SLC37A1: variants seen among roughly 807,000 people sequenced by gnomAD.
SLC37A1 encodes the protein solute carrier family 37 member 1.
Under a neutral mutation model 75.3 loss-of-function variants are expected in SLC37A1, and 49 were observed. That is an observed-to-expected ratio of 0.65 (90% CI 0.52 to 0.83). The LOEUF is 0.83. SLC37A1 is among the 40% of genes least tolerant of loss of function. SLC37A1 has a pLI of 0.00. For missense variants in SLC37A1, 566 were observed against 695.0 expected (o/e 0.81, Z 2.09); for synonymous variants, 268 against 292.1 (o/e 0.92, Z 0.84).
intron 3 of SLC37A1, among the ~76,000 whole-genome samples, chr21:42,528,736 G>A (rs2054864653): frequency 1.3e-5 from 2 of 152,216 alleles, no homozygotes; most frequent in Admixed American, 1.3e-4. Context: ...GGCTGAGGCA[G>A]GAGAATAGCT....
chr21:42,566,931 T>C (rs2147008239), intron 15 of SLC37A1, 54 bp from the exon 16 acceptor site: 1 of 1,567,392 alleles, frequency 6.4e-7, no homozygotes, highest in Non-Finnish European at 8.6e-7. Context: ...CTCCTATGCA[T>C]GCGGGGCTCT....
In SLC37A1 at chr21:42,534,837, C is replaced by G. The variant is rs780596385; in HGVS notation, c.271+7C>G. 1 of 1,613,010 alleles carries G rather than the reference C, an allele frequency of 6.2e-7. No homozygotes were observed. The highest frequency in any genetic ancestry group is 1.3e-5 in the African/African-American group (1 of 75,052). On this transcript the variant is annotated splice_region_variant and intron_variant, in intron 4 of 19. Transcript: ENST00000352133. ...TGTGGCTGGGCACCGTTTGGTAAGT[C>G]GATTATCGGTCCGTCCAGGAGCCGA...
At position 42,580,701 on chromosome 21, in the gene SLC37A1, G is replaced by C. The variant is rs2056407660; in HGVS notation, c.*341G>C. 2.5e-6 allele frequency: 1 copy of C among 406,884 alleles called. No individual in the cohort carries two copies. Among genetic ancestry groups the C allele is most frequent in the African/African-American group, 2.1e-5 (1 of 48,710 alleles). 25.2% of individuals were successfully genotyped at this position (406,884 alleles called of 1,614,324 possible). Reference sequence around the variant, plus strand: ...GGAGGGTGGGGGGGGTGCACAGGTAGCCCCGACCCTCTCAGGCATTCCAGC... The same window carrying C: ...GGAGGGTGGGGGGGGTGCACAGGTACCCCCGACCCTCTCAGGCATTCCAGC... On this transcript the variant is annotated 3_prime_UTR_variant, in exon 20 of 20. Transcript: ENST00000352133.
intron 17 of SLC37A1, among the ~76,000 whole-genome samples, chr21:42,572,355 C>T (rs60080136): frequency 1.3e-3 from 201 of 152,166 alleles, no homozygotes; most frequent in African/African-American, 4.5e-3. Flanking sequence ...GAATTGGGCC[C>T]CTGTTCGTTT....
chr21:42,566,674 G>A (rs573181442), intron 15 of SLC37A1, among the ~76,000 whole-genome samples: 2 of 152,218 alleles, frequency 1.3e-5, no homozygotes, highest in Admixed American at 6.5e-5. Context: ...TGCCCTCAGC[G>A]AGCACCACAG....
At chr21:42,540,750 A>C (rs2055258801) in intron 6 of SLC37A1, among the ~76,000 whole-genome samples, 1 of 152,212 alleles carries the variant, frequency 6.6e-6, no homozygotes, top group African/African-American at 2.4e-5. Context: ...GGGGAATGCT[A>C]TAAAACCATC....
intron 14 of SLC37A1, among the ~76,000 whole-genome samples, chr21:42,565,604 T>C (rs1189685041): frequency 6.6e-6 from 1 of 152,204 alleles, no homozygotes; most frequent in Admixed American, 6.5e-5. Context: ...CCCTGCAGAC[T>C]TCCCCAGGTC....
intron 19 of SLC37A1, among the ~76,000 whole-genome samples, chr21:42,580,053 GC>G (rs1226594062): frequency 6.6e-6 from 1 of 152,056 alleles, no homozygotes; most frequent in Non-Finnish European, 1.5e-5. Context: ...TGGAGCTGCA[GC>G]CCCCCGAGCT....
chr21:42,534,848 C>T lies in SLC37A1; in HGVS notation c.271+18C>T, dbSNP rs1018076295. ...ACCGTTTGGTAAGTCGATTATCGGT[C>T]CGTCCAGGAGCCGAAGCGGCTGTCC... On this transcript the variant is annotated intron_variant, in intron 4 of 19. Transcript: ENST00000352133. 15 of 1,612,224 alleles carry T rather than the reference C, an allele frequency of 9.3e-6. No homozygotes were observed. The highest frequency in any genetic ancestry group is 1.7e-5 in the Admixed American group (1 of 59,896).
chr21:42,523,999 G>A (rs1244067189), intron 2 of SLC37A1, among the ~76,000 whole-genome samples: 1 of 151,914 alleles, frequency 6.6e-6, no homozygotes, highest in African/African-American at 2.4e-5. Flanking sequence ...TTAGTTACTT[G>A]TGGAAAGCTT....
Position 42,548,796 on chromosome 21 carries a change from A to T in SLC37A1, c.768+1656A>T, listed in dbSNP as rs1234674345. On this transcript the variant is annotated intron_variant, in intron 9 of 19. Coordinates refer to ENST00000352133, the MANE Select transcript of SLC37A1 (RefSeq NM_001320537.2). The surrounding 1 kb of genome is among the most constrained non-coding windows in gnomAD (Gnocchi z 5.6). The stretch of plus-strand genomic sequence containing the variant: ...TCTGGTTGGTCTCTGTCACCCTCAC[A>T]GAAGGGTGCGAGCCCCTCGGGCCTG... 6.6e-6 allele frequency among the ~76,000 whole-genome samples: 1 copy of T among 152,150 alleles called. No homozygotes were observed. The highest frequency in any genetic ancestry group is 1.5e-5 in the Non-Finnish European group (1 of 68,024).
chr21:42,524,243 G>A (rs1427171935), intron 2 of SLC37A1, among the ~76,000 whole-genome samples: 3 of 152,120 alleles, frequency 2.0e-5, no homozygotes, highest in East Asian at 1.9e-4. Flanking sequence ...GCTGCCCCTC[G>A]CCTTCCACTC....
At chr21:42,528,207 A>AT (rs1199666207) in intron 3 of SLC37A1, among the ~76,000 whole-genome samples, 2 of 152,146 alleles carry the variant, frequency 1.3e-5, no homozygotes, top group Non-Finnish European at 2.9e-5. Flanking sequence ...GATTAATTGT[A>AT]TTTTTCTCGA....
chr21:42,517,667 A>T (rs958895975), intron 1 of SLC37A1, among the ~76,000 whole-genome samples: 1 of 152,108 alleles, frequency 6.6e-6, no homozygotes, highest in African/African-American at 2.4e-5. Flanking sequence ...ATTCCTTCCT[A>T]TATTGCTCTG....
At chr21:42,501,484 GT>G (rs1480722179) in intron 1 of SLC37A1, among the ~76,000 whole-genome samples, 1 of 152,234 alleles carries the variant, frequency 6.6e-6, no homozygotes, top group Non-Finnish European at 1.5e-5. Context: ...GCCAAGGTGG[GT>G]GGATTGCCTG....
Position 42,545,216 on chromosome 21 carries a change from G to C in SLC37A1, c.730+1614G>C, listed in dbSNP as rs904438370. Among the ~76,000 whole-genome samples, 1 of 152,174 alleles carries C rather than the reference G, an allele frequency of 6.6e-6. No individual in the cohort carries two copies. The highest frequency in any genetic ancestry group is 1.5e-5 in the Non-Finnish European group (1 of 68,030). On this transcript the variant is annotated intron_variant, in intron 8 of 19. Transcript: ENST00000352133. This position sits in a 1 kb window ranked among gnomAD's most constrained non-coding sequence, Gnocchi z 4.0. The stretch of plus-strand genomic sequence containing the variant: ...AGGAAGGCTGCATGCTTCATCTCTA[G>C]CCAAACAAAACCAAACTACCAGAAC...
chr21:42,544,865 C>G (rs2839543), intron 8 of SLC37A1, among the ~76,000 whole-genome samples: 6,003 of 152,306 alleles, frequency 0.039, 454 homozygotes, highest in Admixed American at 0.2. Context: ...ACCCGGAGAA[C>G]AATGTGCCTC....
chr21:42,554,240 T>A (rs531858836), intron 10 of SLC37A1, 98 bp downstream of exon 10: 5 of 1,020,296 alleles, frequency 4.9e-6, no homozygotes, highest in Non-Finnish European at 7.2e-6. Context: ...ATGTGACATG[T>A]GTCACAAACA....
chr21:42,509,127 T>G (rs1402773384), upstream of SLC37A1: 3 of 152,230 alleles, frequency 2.0e-5, no homozygotes, highest in Non-Finnish European at 4.4e-5. This position sits in a 1 kb window ranked among gnomAD's most constrained non-coding sequence, Gnocchi z 4.2. Flanking sequence ...GCTTTATCCC[T>G]TCAACTCCTC....
Sources: allele counts gnomAD v4.1 joint callset (sites outside exome capture counted in the v4.1 genomes callset), GRCh38; gene constraint gnomAD v4.1.1; non-coding constraint Gnocchi (gnomAD v3.1); transcripts MANE v1.5; gene names NCBI Gene and HGNC (gene_info 2026-07-23, HGNC 2026-07-21).